EPHA4: variants seen among roughly 807,000 people sequenced by gnomAD.
EPHA4 encodes the protein EPH receptor A4, also known as ephrin type-A receptor 4.
Under a neutral mutation model 108.3 loss-of-function variants are expected in EPHA4, and 19 were observed. That is an observed-to-expected ratio of 0.18 (90% confidence interval 0.12 to 0.26). The LOEUF (loss-of-function observed/expected upper bound fraction) is 0.26. Ranked by LOEUF, EPHA4 falls within the 10% of genes least tolerant of loss-of-function variation. The pLI is 1.00. For missense variants in EPHA4, 917 were observed against 1,254.0 expected, an observed-to-expected ratio of 0.73 and a Z score of 4.06; for synonymous variants, 449 against 455.5, an observed-to-expected ratio of 0.99 and a Z score of 0.18.
At position 221,545,479 on chromosome 2, in the gene EPHA4, A is replaced by AAAAAC. The variant is rs568048931; in HGVS notation, c.823+18247_823+18251dup. Among the ~76,000 whole-genome samples, 94 of 152,256 alleles carry AAAAAC rather than the reference A, an allele frequency of 6.2e-4. No homozygotes were observed. In the South Asian group the frequency reaches 0.017, roughly 28 times the overall value. On this transcript the variant is annotated intron_variant, in intron 3 of 17. Coordinates refer to ENST00000281821, the MANE Select transcript of EPHA4 (RefSeq NM_004438.5). ...GCAAGACTCCATCTTAAAAAAAACAAAAAACAAAACAAAACAAAAGGTGAC... is the reference window on the plus strand; with the variant it reads ...GCAAGACTCCATCTTAAAAAAAACAAAAAACAAAACAAAACAAAACAAAAGGTGAC...
chr2:221,440,472 G>T (rs1690385422), intron 11 of EPHA4, among the ~76,000 whole-genome samples: 1 of 152,138 alleles, frequency 6.6e-6, no homozygotes, highest in Non-Finnish European at 1.5e-5. Flanking sequence ...AAGGGCTCTG[G>T]GCGGCCCTGA....
At chr2:221,464,301 T>C (rs1691239077) in intron 5 of EPHA4, among the ~76,000 whole-genome samples, 1 of 152,142 alleles carries the variant, frequency 6.6e-6, no homozygotes, top group Non-Finnish European at 1.5e-5. Context: ...CTTAAGGTGG[T>C]TTTTGTTCCC....
In EPHA4 at chr2:221,490,799, G is replaced by A. The variant is rs546831059; in HGVS notation, c.980-8109C>T. On this transcript the variant is annotated intron_variant, in intron 4 of 17. Transcript: ENST00000281821. ...CTGAAATAAAGCCCATGCTTCCCCT[G>A]ACATTTGTATATGTTGCCACCACTA... Among the ~76,000 whole-genome samples, 3 of 152,314 alleles carry A rather than the reference G, an allele frequency of 2.0e-5. No homozygotes were observed. The South Asian group carries it at 6.2e-4, about 32-fold the overall frequency.
intron 5 of EPHA4, among the ~76,000 whole-genome samples, chr2:221,465,129 C>A (rs1341372773): frequency 6.6e-6 from 1 of 151,990 alleles, no homozygotes; most frequent in Non-Finnish European, 1.5e-5. Context: ...CAGTGCACAG[C>A]CACATTATCC....
intron 4 of EPHA4, among the ~76,000 whole-genome samples, chr2:221,490,237 T>C (rs1035137009): frequency 6.6e-5 from 8 of 121,170 alleles, no homozygotes; most frequent in Non-Finnish European, 1.4e-4. Context: ...AGAGAAAAAA[T>C]GGCAATCACA....
chr2:221,557,978 A>T (rs1173473124), intron 3 of EPHA4, among the ~76,000 whole-genome samples: 2 of 152,254 alleles, frequency 1.3e-5, no homozygotes, highest in East Asian at 3.8e-4. Context: ...GTGTTAGTTT[A>T]AAAGTATTAC....
chr2:221,506,535 T>C (rs1692636432), intron 3 of EPHA4, among the ~76,000 whole-genome samples: 1 of 152,190 alleles, frequency 6.6e-6, no homozygotes, highest in South Asian at 2.1e-4. Flanking sequence ...TAATACGCTA[T>C]AGATCTCTGC....
intron 4 of EPHA4, among the ~76,000 whole-genome samples, chr2:221,487,083 A>C (rs147858538): frequency 1.4e-3 from 206 of 152,330 alleles, no homozygotes; most frequent in African/African-American, 4.6e-3. Context: ...AAAGGGCTAT[A>C]TATAAAATAT....
Position 221,434,210 on chromosome 2 carries a change from A to G in EPHA4, c.2428T>C (p.Tyr810His). 6.2e-7 allele frequency: 1 copy of G among 1,614,166 alleles called. No individual in the cohort carries two copies. The highest frequency in any genetic ancestry group is 1.1e-5 in the South Asian group (1 of 91,082). The change falls in exon 14 of 18, where the codon TAT becomes CAT. Residue 810 changes from tyrosine to histidine, a missense_variant. Physicochemically the swap from Tyr to His is moderately conservative, Grantham distance 83. Around this residue, in one of 3 missense-constraint regions of EPHA4, gnomAD observed 758 missense variants for 1,076.7 expected, o/e 0.70. Coordinates refer to ENST00000281821, the MANE Select transcript of EPHA4 (RefSeq NM_004438.5). ...ATCACTTCCCACATAACGATTCCAT[A>G]GCTCCATACATCACTTGCTGATGTG... Reference protein sequence around the residue: ...KFTSASDVWSYGIVMWEVMSY... With the variant: ...KFTSASDVWSHGIVMWEVMSY...
intron 3 of EPHA4, among the ~76,000 whole-genome samples, chr2:221,540,269 C>T (rs1693795160): frequency 6.6e-6 from 1 of 152,156 alleles, no homozygotes. Context: ...AGAACAATAT[C>T]CAGTTGCTGC....
At chr2:221,442,344 A>C (rs1690455220) in intron 11 of EPHA4, among the ~76,000 whole-genome samples, 1 of 152,228 alleles carries the variant, frequency 6.6e-6, no homozygotes, top group African/African-American at 2.4e-5. Flanking sequence ...GTTACTGTAA[A>C]TAGGTGCTGA....
intron 3 of EPHA4, among the ~76,000 whole-genome samples, chr2:221,516,858 A>C (rs1020653051): frequency 6.6e-6 from 1 of 151,986 alleles, no homozygotes; most frequent in Non-Finnish European, 1.5e-5. Context: ...TTTTTCCCCA[A>C]ATAAATCCAC....
chr2:221,439,310 T>C (rs891054702), intron 11 of EPHA4, among the ~76,000 whole-genome samples: 2 of 144,018 alleles, frequency 1.4e-5, no homozygotes, highest in Admixed American at 7.0e-5. Flanking sequence ...CCTCTACATA[T>C]GTGACCAGGG....
rs13408020 is a variant in EPHA4, at chr2:221,447,309, G to A, written c.1716-1128C>T. Reference sequence around the variant, plus strand: ...AAGACTCTTACAGAAAAAGAAACACGGTCTGAGATAAGTAAAAATTCCCGC... The same window carrying A: ...AAGACTCTTACAGAAAAAGAAACACAGTCTGAGATAAGTAAAAATTCCCGC... On this transcript the variant is annotated intron_variant, in intron 8 of 17. Coordinates refer to ENST00000281821, the MANE Select transcript of EPHA4 (RefSeq NM_004438.5). Among the ~76,000 whole-genome samples the A allele has an allele frequency of 3.9e-3, 601 of 152,252 alleles. 4 individuals are homozygous for A. The highest frequency in any genetic ancestry group is 0.014 in the African/African-American group (572 of 41,540).
At chr2:221,509,694 G>A (rs1692765516) in intron 3 of EPHA4, among the ~76,000 whole-genome samples, 1 of 152,106 alleles carries the variant, frequency 6.6e-6, no homozygotes, top group Admixed American at 6.5e-5. Context: ...AAAATATTTA[G>A]GACAGAGATG....
intron 4 of EPHA4, among the ~76,000 whole-genome samples, chr2:221,495,014 A>AC (rs1692261417): frequency 6.6e-6 from 1 of 152,042 alleles, no homozygotes; most frequent in Non-Finnish European, 1.5e-5. Flanking sequence ...AAAAAAAAAA[A>AC]AAAAAAAAAA....
At chr2:221,549,480 G>A (rs1403105085) in intron 3 of EPHA4, among the ~76,000 whole-genome samples, 2 of 152,144 alleles carry the variant, frequency 1.3e-5, no homozygotes, top group Non-Finnish European at 2.9e-5. Flanking sequence ...ATAAAAAGGA[G>A]AGTAAAGCAC....
At chr2:221,469,014 A>G (rs1215335056) in intron 5 of EPHA4, among the ~76,000 whole-genome samples, 1 of 152,252 alleles carries the variant, frequency 6.6e-6, no homozygotes. Context: ...ATCAATGGGC[A>G]AAACATTAAT....
chr2:221,526,335 G>A (rs1457563171), intron 3 of EPHA4, among the ~76,000 whole-genome samples: 1 of 152,162 alleles, frequency 6.6e-6, no homozygotes. Flanking sequence ...ATACAGTTAA[G>A]CAGTTGCTTG....
Sources: allele counts gnomAD v4.1 joint callset (sites outside exome capture counted in the v4.1 genomes callset), GRCh38; gene constraint gnomAD v4.1.1; regional missense constraint gnomAD v4.1.1; transcripts MANE v1.5; gene names NCBI Gene and HGNC (gene_info 2026-07-23, HGNC 2026-07-21).